Variants in CENPW observed in about 807,000 individuals in gnomAD.
The protein encoded by CENPW is centromere protein W.
Under a neutral mutation model 11.1 loss-of-function variants are expected in CENPW, and 3 were observed. That is an observed-to-expected ratio of 0.27 (90% CI 0.12 to 0.70). The LOEUF (loss-of-function observed/expected upper bound fraction) is 0.70, where lower values mean the gene tolerates loss of function less well. Among genes scored for constraint, CENPW ranks in the 30% least tolerant of loss-of-function variants. CENPW has a pLI of 0.77. For synonymous variants in CENPW, 38 were observed against 42.0 expected (o/e 0.91, Z 0.37); for missense variants, 100 against 105.6 (o/e 0.95, Z 0.23).
At chr6:126,364,275 C>T in the CENPW span, among the ~76,000 whole-genome samples, 2 of 152,126 alleles carry the variant, frequency 1.3e-5, no homozygotes, top group African/African-American at 4.8e-5. Context: ...CTGTTTTGAC[C>T]TAGTCCTTGT....
chr6:126,394,194 G>A, the CENPW span, among the ~76,000 whole-genome samples: 1 of 141,332 alleles, frequency 7.1e-6, no homozygotes, highest in Non-Finnish European at 1.5e-5. Flanking sequence ...ATGTTTTGTG[G>A]TCTTCTTTTC....
At chr6:126,482,890 G>T in the CENPW span, among the ~76,000 whole-genome samples, 2 of 151,910 alleles carry the variant, frequency 1.3e-5, no homozygotes, top group Non-Finnish European at 2.9e-5. Flanking sequence ...AAAATAACAG[G>T]CTGGGATTTG....
the CENPW span, among the ~76,000 whole-genome samples, chr6:126,363,724 TG>T: frequency 1.3e-5 from 2 of 152,196 alleles, no homozygotes; most frequent in Non-Finnish European, 2.9e-5. Context: ...TCTAGAGTAG[TG>T]CTAAGTATTT....
chr6:126,398,221 T>G, the CENPW span, among the ~76,000 whole-genome samples: 1 of 152,216 alleles, frequency 6.6e-6, no homozygotes, highest in Non-Finnish European at 1.5e-5. Flanking sequence ...AAACACTTAC[T>G]TGTATAATTA....
intron 1 of CENPW, among the ~76,000 whole-genome samples, chr6:126,344,936 A>T (rs1456319476): frequency 1.3e-5 from 2 of 152,188 alleles, no homozygotes; most frequent in South Asian, 4.1e-4. Context: ...ACTTGCCACC[A>T]TGTAAATAAC....
At chr6:126,346,629 A>G (rs1260109943) in intron 2 of CENPW, among the ~76,000 whole-genome samples, 1 of 152,118 alleles carries the variant, frequency 6.6e-6, no homozygotes, top group Non-Finnish European at 1.5e-5. Flanking sequence ...ATCTTTTAAA[A>G]TTATCCTAAT....
chr6:126,357,643 C>G, the CENPW span, among the ~76,000 whole-genome samples: 1 of 151,294 alleles, frequency 6.6e-6, no homozygotes, highest in Non-Finnish European at 1.5e-5. Flanking sequence ...GAGTCTTGCT[C>G]TGTCGCCCAG....
the CENPW span, among the ~76,000 whole-genome samples, chr6:126,377,838 T>G: frequency 8.5e-5 from 13 of 152,150 alleles, no homozygotes; most frequent in Non-Finnish European, 1.8e-4. Flanking sequence ...AACCAGAACC[T>G]TGGAGAACCT....
the CENPW span, among the ~76,000 whole-genome samples, chr6:126,476,648 C>T: frequency 6.6e-6 from 1 of 151,888 alleles, no homozygotes; most frequent in Non-Finnish European, 1.5e-5. Context: ...TGTAAGGCTT[C>T]CCATCTGTTT....
chr6:126,453,011 A>G, the CENPW span, among the ~76,000 whole-genome samples: 1 of 151,246 alleles, frequency 6.6e-6, no homozygotes, highest in Non-Finnish European at 1.5e-5. Context: ...AAAGAAAATT[A>G]TTGTCAACTC....
chr6:126,454,789 G>A, the CENPW span, among the ~76,000 whole-genome samples: 1 of 150,840 alleles, frequency 6.6e-6, no homozygotes. Context: ...CCATGAGTTG[G>A]TTTTTTGATA....
downstream of CENPW, among the ~76,000 whole-genome samples, chr6:126,349,247 C>T (rs1417081002): frequency 6.6e-6 from 1 of 152,062 alleles, no homozygotes; most frequent in Non-Finnish European, 1.5e-5. Context: ...GTACAGTACA[C>T]CCAGTTCCCC....
the CENPW span, among the ~76,000 whole-genome samples, chr6:126,360,691 C>T: frequency 5.4e-5 from 8 of 147,712 alleles, no homozygotes; most frequent in Admixed American, 2.0e-4. Context: ...TTTTTTTTTT[C>T]CCCCCAACTT....
the CENPW span, among the ~76,000 whole-genome samples, chr6:126,400,995 TTC>T: frequency 2.6e-4 from 39 of 152,148 alleles, no homozygotes; most frequent in African/African-American, 8.4e-4. Context: ...TTATTTTAAA[TTC>T]TCTGTCTTGT....
At chr6:126,364,175 C>T in the CENPW span, among the ~76,000 whole-genome samples, 1 of 152,088 alleles carries the variant, frequency 6.6e-6, no homozygotes, top group Non-Finnish European at 1.5e-5. Flanking sequence ...AATGGTACCC[C>T]CACAAAATGC....
chr6:126,340,343 C>A lies in CENPW; in HGVS notation c.70C>A (p.Arg24=). Residue 24 remains arginine (R), a synonymous_variant, in exon 1 of 3, where the codon CGA becomes AGA. Transcript: ENST00000368328. ...GAAGGCTCCCCGTGGCTTTCTAAAG[C>A]GAGTCTTCAAGCGAAAGAAGCCTCA... ...KRKAPRGFLK[R]VFKRKKPQLR... is the part of the protein sequence containing the mutation. 6.2e-7 allele frequency: 1 copy of A among 1,614,066 alleles called. No individual in the cohort carries two copies. Among genetic ancestry groups the A allele is most frequent in the Non-Finnish European group, 8.5e-7 (1 of 1,179,978 alleles).
chr6:126,466,388 C>A, the CENPW span, among the ~76,000 whole-genome samples: 1 of 152,072 alleles, frequency 6.6e-6, no homozygotes, highest in Non-Finnish European at 1.5e-5. Context: ...GTATGGGTTA[C>A]ACTTCTGATA....
the CENPW span, among the ~76,000 whole-genome samples, chr6:126,402,182 A>T: frequency 6.6e-6 from 1 of 151,976 alleles, no homozygotes; most frequent in South Asian, 2.1e-4. Context: ...TAACAGGAAA[A>T]TTGAGCAATT....
the CENPW span, among the ~76,000 whole-genome samples, chr6:126,436,171 C>T: frequency 6.6e-6 from 1 of 151,666 alleles, no homozygotes; most frequent in Non-Finnish European, 1.5e-5. Context: ...ATTTTTCTCC[C>T]ACCAATTACA....
Sources: allele counts gnomAD v4.1 joint callset (sites outside exome capture counted in the v4.1 genomes callset), GRCh38; gene constraint gnomAD v4.1.1; transcripts MANE v1.5; gene names NCBI Gene and HGNC (gene_info 2026-07-23, HGNC 2026-07-21).